The following PTPRQ variants were observed in gnomAD, a reference collection of about 807,000 sequenced individuals.
PTPRQ encodes the protein protein tyrosine phosphatase receptor type Q.
PTPRQ carries 199 observed loss-of-function variants against 246.0 expected under a neutral mutation model. That is an observed-to-expected ratio of 0.81 (90% CI 0.72 to 0.91). PTPRQ has a LOEUF of 0.91. Among genes scored for constraint, PTPRQ ranks in the 40% least tolerant of loss-of-function variants. The probability of loss-of-function intolerance (pLI) is 0.00; values close to 1 mark genes in which losing one functional copy is unlikely to be tolerated. For missense variants in PTPRQ, 2,624 were observed against 2,528.4 expected, an observed-to-expected ratio of 1.04 and a Z score of -0.81; for synonymous variants, 869 against 853.2, an observed-to-expected ratio of 1.02 and a Z score of -0.32.
intron 17 of PTPRQ, among the ~76,000 whole-genome samples, chr12:80,523,276 A>G (rs1229723971): frequency 1.4e-4 from 21 of 151,926 alleles, no homozygotes; most frequent in Non-Finnish European, 1.5e-5. Context: ...TAGTCTTGCT[A>G]GTGGTCTATC....
intron 2 of PTPRQ, 120 bp downstream of exon 2, chr12:80,444,969 A>G (rs1398345940): frequency 8.5e-7 from 1 of 1,179,240 alleles, no homozygotes; most frequent in Non-Finnish European, 1.1e-6. Context: ...GTGTAGAATA[A>G]GGCAAAATGG....
chr12:80,517,128 A>C (rs1895327830), intron 17 of PTPRQ, among the ~76,000 whole-genome samples: 1 of 152,144 alleles, frequency 6.6e-6, no homozygotes, highest in East Asian at 1.9e-4. Context: ...GCCCATGGCC[A>C]CTCATGATTT....
chr12:80,511,257 TC>T (rs1895118844), intron 17 of PTPRQ, among the ~76,000 whole-genome samples: 1 of 152,140 alleles, frequency 6.6e-6, no homozygotes, highest in Non-Finnish European at 1.5e-5. Flanking sequence ...TTTCCCTAAT[TC>T]CCCTTTAACC....
chr12:80,501,749 G>A (rs947363617), intron 14 of PTPRQ, among the ~76,000 whole-genome samples: 1 of 151,890 alleles, frequency 6.6e-6, no homozygotes, highest in Admixed American at 6.6e-5. Flanking sequence ...TGCCTTCAAA[G>A]CCAAGTGAAT....
rs781777973 is a variant in PTPRQ, at chr12:80,474,243, C to A, written c.1186+1992C>A. ...TTTTATATTATCCTTTTCATTAATACAACAGGGTTTTTAGTATTCTAATTA... is the reference window on the plus strand; with the variant it reads ...TTTTATATTATCCTTTTCATTAATAAAACAGGGTTTTTAGTATTCTAATTA... On this transcript the variant is annotated intron_variant, in intron 8 of 44. Transcript: ENST00000644991. 3.3e-5 allele frequency among the ~76,000 whole-genome samples: 5 copies of A among 152,268 alleles called. No individual in the cohort carries two copies. In the East Asian group the frequency reaches 9.6e-4, roughly 29 times the overall value.
chr12:80,508,929 T>G (rs1408239743), intron 16 of PTPRQ, among the ~76,000 whole-genome samples: 1 of 152,104 alleles, frequency 6.6e-6, no homozygotes, highest in Non-Finnish European at 1.5e-5. Flanking sequence ...TTGCAACATA[T>G]TAGTTTCTAA....
chr12:80,665,734 GAACTC>G (rs1477884561), intron 39 of PTPRQ, among the ~76,000 whole-genome samples: 3 of 151,660 alleles, frequency 2.0e-5, no homozygotes, highest in Non-Finnish European at 4.4e-5. Context: ...AATATACCAG[GAACTC>G]AACTCAATAG....
intron 8 of PTPRQ, among the ~76,000 whole-genome samples, chr12:80,473,920 G>T (rs891945731): frequency 2.0e-5 from 3 of 152,172 alleles, no homozygotes; most frequent in African/African-American, 7.2e-5. Context: ...TCACACCCTG[G>T]TGGGTCTTAG....
chr12:80,654,898 A>G (rs7306267), intron 38 of PTPRQ, among the ~76,000 whole-genome samples: 9,233 of 151,766 alleles, frequency 0.061, 353 homozygotes, highest in South Asian at 0.18. Context: ...ATATATCAGT[A>G]TATATAAAGT....
At chr12:80,534,773 GC>G (rs1762348438) in intron 18 of PTPRQ, 118 bp from the exon 19 acceptor site, 1 of 1,270,632 alleles carries the variant, frequency 7.9e-7, no homozygotes, top group Non-Finnish European at 1.1e-6. Flanking sequence ...TCTAATTCAA[GC>G]TTTTTTGAAA....
intron 25 of PTPRQ, among the ~76,000 whole-genome samples, chr12:80,556,438 C>A (rs939936998): frequency 6.6e-6 from 1 of 152,054 alleles, no homozygotes; most frequent in Non-Finnish European, 1.5e-5. Context: ...AAATTGCTTT[C>A]TATGGGAAGT....
intron 14 of PTPRQ, among the ~76,000 whole-genome samples, chr12:80,497,474 A>T (rs1013648433): frequency 6.6e-6 from 1 of 152,134 alleles, no homozygotes; most frequent in Admixed American, 6.6e-5. Flanking sequence ...TATGATGCTC[A>T]CCTGCTGTGT....
intron 25 of PTPRQ, among the ~76,000 whole-genome samples, chr12:80,562,807 A>G (rs184182324): frequency 3.7e-4 from 57 of 152,304 alleles, no homozygotes; most frequent in Admixed American, 3.3e-3. Context: ...ACAGAAAAAC[A>G]GTAGGAAAAA....
At chr12:80,631,315 A>G (rs1230057030) in intron 33 of PTPRQ, among the ~76,000 whole-genome samples, 1 of 152,212 alleles carries the variant, frequency 6.6e-6, no homozygotes, top group East Asian at 1.9e-4. Context: ...ACACAAGTTT[A>G]TCTTATATAA....
chr12:80,452,766 T>C (rs56162313), intron 3 of PTPRQ, among the ~76,000 whole-genome samples: 28,287 of 152,176 alleles, frequency 0.19, 2,827 homozygotes, highest in Middle Eastern at 0.22. Flanking sequence ...CCTTTGTGGG[T>C]AACCCGACCT....
chr12:80,650,569 A>G (rs1162303214), intron 37 of PTPRQ, among the ~76,000 whole-genome samples: 1 of 152,066 alleles, frequency 6.6e-6, no homozygotes, highest in Non-Finnish European at 1.5e-5. Flanking sequence ...ATTCAGAATT[A>G]TAATATTTCA....
chr12:80,450,705 G>A (rs1310394517), intron 3 of PTPRQ, among the ~76,000 whole-genome samples: 2 of 152,176 alleles, frequency 1.3e-5, no homozygotes, highest in African/African-American at 4.8e-5. Flanking sequence ...TATTGAACCA[G>A]CCTTGCATCC....
chr12:80,550,705 G>A (rs1255469638), intron 25 of PTPRQ, among the ~76,000 whole-genome samples: 3 of 151,918 alleles, frequency 2.0e-5, no homozygotes, highest in Non-Finnish European at 4.4e-5. Context: ...ATATTTCTAG[G>A]AAAAAATAGA....
chr12:80,605,280 C>A, intron 27 of PTPRQ, 100 bp downstream of exon 27: 1 of 1,400,768 alleles, frequency 7.1e-7, no homozygotes, highest in Non-Finnish European at 9.5e-7. Flanking sequence ...CTCTGTTAGA[C>A]AGTAGGAAAA....
Sources: gnomAD v4.1 joint callset for allele counts (sites outside exome capture counted in the v4.1 genomes callset) on GRCh38, gnomAD v4.1.1 for gene constraint, MANE v1.5 for transcripts, NCBI Gene and HGNC (gene_info 2026-07-23, HGNC 2026-07-21) for gene names.